The following SRGAP2 variants were observed in gnomAD, a reference collection of about 807,000 sequenced individuals.
SRGAP2 encodes SLIT-ROBO Rho GTPase activating protein 2.
A neutral mutation model predicts 57.2 loss-of-function variants in SRGAP2; 15 were observed. That is an observed-to-expected ratio of 0.26 (90% CI 0.18 to 0.40). SRGAP2 has a LOEUF of 0.40. Among genes scored for constraint, SRGAP2 ranks in the 10% least tolerant of loss-of-function variants. The pLI is 1.00. For synonymous variants in SRGAP2, 249 were observed against 248.0 expected, an observed-to-expected ratio of 1.00 and a Z score of -0.04; for missense variants, 520 against 669.6, an observed-to-expected ratio of 0.78 and a Z score of 2.47.
chr1:206,439,552 A>G (rs142912785), intron 16 of SRGAP2, among the ~76,000 whole-genome samples: 250 of 151,872 alleles, frequency 1.6e-3, no homozygotes, highest in Non-Finnish European at 2.9e-3. Context: ...GCTCCCTGTC[A>G]GTGGTTGTTT....
intron 10 of SRGAP2, among the ~76,000 whole-genome samples, chr1:206,415,653 T>G (rs1659636192): frequency 6.6e-6 from 1 of 152,196 alleles, no homozygotes; most frequent in South Asian, 2.1e-4. Flanking sequence ...AACAATTTCT[T>G]TATACTGGCC....
At chr1:206,222,752 C>T (rs74499302) in intron 2 of SRGAP2, among the ~76,000 whole-genome samples, 1 of 152,062 alleles carries the variant, frequency 6.6e-6, no homozygotes, top group South Asian at 2.1e-4. Flanking sequence ...GCATCTTACT[C>T]GGGAAGATAT....
chr1:206,423,548 G>A (rs6683027), intron 13 of SRGAP2, among the ~76,000 whole-genome samples: 70,633 of 151,846 alleles, frequency 0.47, 16,759 homozygotes, highest in East Asian at 0.72. Context: ...GTTTGTGTTC[G>A]GGGGGACTCC....
chr1:206,332,501 C>T (rs1553332205), intron 3 of SRGAP2, among the ~76,000 whole-genome samples: 4 of 150,884 alleles, frequency 2.7e-5, no homozygotes, highest in East Asian at 1.9e-4. Flanking sequence ...GGAGGCTTTG[C>T]TCATTTCTTT....
intron 4 of SRGAP2, among the ~76,000 whole-genome samples, chr1:206,367,220 A>T (rs1230502728): frequency 1.3e-5 from 2 of 152,236 alleles, no homozygotes; most frequent in African/African-American, 4.8e-5. Flanking sequence ...GATGAATTTA[A>T]AAACTGATAC....
intron 13 of SRGAP2, among the ~76,000 whole-genome samples, chr1:206,426,708 T>C (rs2878837): frequency 0.1 from 15,561 of 152,222 alleles, 1,771 homozygotes; most frequent in African/African-American, 0.28. Flanking sequence ...TTGCATTTCT[T>C]ATGATTAGTG....
At chr1:206,216,282 A>T (rs1367672277) in intron 2 of SRGAP2, among the ~76,000 whole-genome samples, 4 of 152,202 alleles carry the variant, frequency 2.6e-5, no homozygotes, top group African/African-American at 9.7e-5. Context: ...TTCTTCAGTC[A>T]CATCTCTTAC....
At chr1:206,318,917 G>C (rs1673250719) in intron 3 of SRGAP2, among the ~76,000 whole-genome samples, 1 of 151,848 alleles carries the variant, frequency 6.6e-6, no homozygotes. Context: ...GAGATTTGGG[G>C]GGGGACAGAC....
intron 2 of SRGAP2, among the ~76,000 whole-genome samples, chr1:206,231,423 G>GGGGAA (rs1378543117): frequency 1.3e-5 from 2 of 151,344 alleles, no homozygotes; most frequent in East Asian, 3.9e-4. Flanking sequence ...GGGCACTCTG[G>GGGGAA]GGGAAGTAAG....
chr1:206,389,561 A>G (rs1235746427), intron 5 of SRGAP2, among the ~76,000 whole-genome samples: 5 of 152,008 alleles, frequency 3.3e-5, no homozygotes, highest in African/African-American at 1.2e-4. Context: ...CTTCTGTGAT[A>G]TAAATCTGGC....
At chr1:206,280,220 C>T (rs1432860676) in intron 2 of SRGAP2, among the ~76,000 whole-genome samples, 20 of 139,916 alleles carry the variant, frequency 1.4e-4, no homozygotes, top group Admixed American at 3.0e-4. Flanking sequence ...GCTGGGATTA[C>T]AGGAACGTAC....
chr1:206,459,011 C>T (rs1229287715), intron 22 of SRGAP2, 64 bp downstream of exon 22: 4 of 655,560 alleles, frequency 6.1e-6, no homozygotes, highest in Admixed American at 2.4e-5. Flanking sequence ...TAGTGCCACC[C>T]ACCTAATTAT....
At chr1:206,413,863 G>A (rs1168119258) in intron 10 of SRGAP2, among the ~76,000 whole-genome samples, 2 of 152,116 alleles carry the variant, frequency 1.3e-5, no homozygotes, top group African/African-American at 4.8e-5. Flanking sequence ...AGGACCATCT[G>A]GGTGAACATG....
intron 4 of SRGAP2, among the ~76,000 whole-genome samples, chr1:206,378,840 A>C (rs1430494416): frequency 3.3e-5 from 5 of 152,256 alleles, no homozygotes; most frequent in African/African-American, 1.2e-4. Context: ...AGTGAGACCA[A>C]GAACCCACCA....
intron 2 of SRGAP2, among the ~76,000 whole-genome samples, chr1:206,249,852 T>A (rs1553310857): frequency 6.7e-6 from 1 of 148,816 alleles, no homozygotes; most frequent in East Asian, 2.0e-4. Context: ...CTCCCCCTCC[T>A]CCTTCACTAA....
intron 22 of SRGAP2, among the ~76,000 whole-genome samples, chr1:206,459,557 T>G (rs187426799): frequency 4.6e-5 from 7 of 152,326 alleles, no homozygotes; most frequent in Admixed American, 2.6e-4. Flanking sequence ...ACCGCACTGA[T>G]GACTCTCTGT....
chr1:206,401,218 C>T (rs1162933584), intron 7 of SRGAP2, among the ~76,000 whole-genome samples: 1 of 152,158 alleles, frequency 6.6e-6, no homozygotes, highest in Non-Finnish European at 1.5e-5. Context: ...GCCTCACAGC[C>T]CTCTAGGGTG....
Position 206,421,256 on chromosome 1 carries a change from C to T in SRGAP2, c.1476C>T (p.Ser492=), listed in dbSNP as rs1304715647. ...QRTDCSLARR[S]STVRKQDSSQ... is the part of the protein sequence containing the mutation. ...TCGGCGGGATTGGTCACAGGCGCAGCTCAACTGTGAGGAAACAGGTAAGGG... is the reference window on the plus strand; with the variant it reads ...TCGGCGGGATTGGTCACAGGCGCAGTTCAACTGTGAGGAAACAGGTAAGGG... Residue 492 remains serine (S), a synonymous_variant, in exon 13 of 23, where the codon AGC becomes AGT. Transcript: ENST00000573034. The T allele has an allele frequency of 2.6e-6, 2 of 778,722 alleles. No homozygotes were observed. The highest frequency in any genetic ancestry group is 3.4e-5 in the African/African-American group (2 of 59,078). 48.2% of individuals were successfully genotyped at this position (778,722 alleles called of 1,614,324 possible). A position where few individuals can be genotyped will look rare whatever the true frequency, so the allele number is the denominator to read the frequency against.
chr1:206,265,652 G>C, intron 2 of SRGAP2, among the ~76,000 whole-genome samples: 1 of 143,432 alleles, frequency 7.0e-6, no homozygotes, highest in East Asian at 2.1e-4. Context: ...AAAAATAATA[G>C]TAATTAGAGA....
Sources: gnomAD v4.1 joint callset for allele counts (sites outside exome capture counted in the v4.1 genomes callset) on GRCh38, gnomAD v4.1.1 for gene constraint, MANE v1.5 for transcripts, NCBI Gene and HGNC (gene_info 2026-07-23, HGNC 2026-07-21) for gene names.